The following ZNF362 variants were observed in gnomAD, a reference collection of about 807,000 sequenced individuals.
ZNF362 encodes rotund homolog.
ZNF362 carries 11 observed loss-of-function variants against 42.9 expected under a neutral mutation model. The ratio of observed to expected loss-of-function variants is 0.26; its 90% CI spans 0.16 to 0.42. ZNF362 has a LOEUF of 0.42. ZNF362 is among the 20% of genes least tolerant of loss of function. The pLI, the probability that ZNF362 is intolerant of heterozygous loss-of-function variation, is 1.00. For synonymous variants in ZNF362, 255 were observed against 257.3 expected (o/e 0.99, Z 0.09); for missense variants, 362 against 576.2 (o/e 0.63, Z 3.81).
chr1:33,164,172 C>T, the ZNF362 span: 3 of 152,204 alleles, frequency 2.0e-5, no homozygotes, highest in African/African-American at 7.2e-5. Flanking sequence ...CCCCGAGGGT[C>T]CTGCCCAGAG....
At chr1:33,165,572 A>G in the ZNF362 span, 1 of 1,603,424 alleles carries the variant, frequency 6.2e-7, no homozygotes, top group Non-Finnish European at 8.5e-7. The surrounding 1 kb of genome is among the most constrained non-coding windows in gnomAD (Gnocchi z 4.0). Context: ...TCCCTCTGAA[A>G]CACACACAGG....
the ZNF362 span, among the ~76,000 whole-genome samples, chr1:33,182,756 T>C: frequency 7.3e-5 from 11 of 151,592 alleles, no homozygotes; most frequent in South Asian, 1.5e-3. Context: ...TGCAAAAGCA[T>C]AGAGGCGTGA....
intron 6 of ZNF362, among the ~76,000 whole-genome samples, chr1:33,290,362 C>T (rs933528662): frequency 4.0e-5 from 6 of 151,670 alleles, no homozygotes; most frequent in African/African-American, 1.5e-4. Flanking sequence ...TGGTTTCCAG[C>T]TTCATCCATG....
rs1404515168 is a variant in ZNF362 at position 33,300,420 on chromosome 1, A to G, written c.*1374A>G. The G allele has an allele frequency of 1.3e-5, 2 of 149,146 alleles. No homozygotes were observed. The highest frequency in any genetic ancestry group is 2.5e-5 in the African/African-American group (1 of 40,174). The allele number at this position is 149,146 out of a possible 1,614,324, so 9.2% of individuals were successfully genotyped here. A position where few individuals can be genotyped will look rare whatever the true frequency, so the allele number is the denominator to read the frequency against. On this transcript the variant is annotated 3_prime_UTR_variant, in exon 9 of 9. Coordinates refer to ENST00000539719, the MANE Select transcript of ZNF362 (RefSeq NM_152493.3). Reference sequence around the variant, plus strand: ...ATACGCTGTTATACATACTGTTAACACCCCTTTGCTTTTTCTATGGGACCT... The same window carrying G: ...ATACGCTGTTATACATACTGTTAACGCCCCTTTGCTTTTTCTATGGGACCT...
At chr1:33,229,713 C>T in the ZNF362 span, among the ~76,000 whole-genome samples, 2 of 151,930 alleles carry the variant, frequency 1.3e-5, no homozygotes, top group African/African-American at 4.8e-5. Flanking sequence ...CCCTATTCTG[C>T]CTTCTTAAAA....
At chr1:33,271,258 C>T (rs1376923815) in intron 2 of ZNF362, among the ~76,000 whole-genome samples, 1 of 152,238 alleles carries the variant, frequency 6.6e-6, no homozygotes, top group African/African-American at 2.4e-5. Context: ...ACACCGAACG[C>T]TCGTGGCTCC....
chr1:33,133,846 C>T, the ZNF362 span, among the ~76,000 whole-genome samples: 1 of 152,226 alleles, frequency 6.6e-6, no homozygotes, highest in Admixed American at 6.5e-5. Flanking sequence ...GCCAATTGTT[C>T]TTCCCCTAGT....
At chr1:33,207,174 C>A in the ZNF362 span, among the ~76,000 whole-genome samples, 1 of 149,568 alleles carries the variant, frequency 6.7e-6, no homozygotes, top group East Asian at 2.0e-4. Context: ...TTGTTTAACT[C>A]CCACTTATGA....
At chr1:33,154,179 G>A in the ZNF362 span, among the ~76,000 whole-genome samples, 1 of 152,220 alleles carries the variant, frequency 6.6e-6, no homozygotes, top group Admixed American at 6.5e-5. Context: ...TCTAAAGATG[G>A]GCCGGGTGTG....
At chr1:33,298,888 T>G (rs1646144141) in intron 8 of ZNF362, 42 bp from the exon 9 acceptor site, 1 of 1,562,544 alleles carries the variant, frequency 6.4e-7, no homozygotes, top group African/African-American at 1.4e-5. Flanking sequence ...TCTCCCTCCC[T>G]TGCTGGTGGT....
chr1:33,257,302 A>G (rs1645799849), intron 1 of ZNF362, among the ~76,000 whole-genome samples: 4 of 151,396 alleles, frequency 2.6e-5, no homozygotes, highest in Admixed American at 2.6e-4. Flanking sequence ...GTGAGACACA[A>G]TGCAATTGCA....
chr1:33,241,259 C>T, the ZNF362 span, among the ~76,000 whole-genome samples: 1 of 152,078 alleles, frequency 6.6e-6, no homozygotes, highest in Non-Finnish European at 1.5e-5. Flanking sequence ...CTTTGGGAGG[C>T]TGAGGTGAGT....
the ZNF362 span, among the ~76,000 whole-genome samples, chr1:33,175,333 C>T: frequency 5.3e-5 from 8 of 152,104 alleles, no homozygotes; most frequent in South Asian, 2.1e-4. Context: ...TGGGCCACTG[C>T]GCCCAGCCCA....
chr1:33,204,138 T>G, the ZNF362 span, among the ~76,000 whole-genome samples: 6 of 152,172 alleles, frequency 3.9e-5, no homozygotes, highest in Non-Finnish European at 8.8e-5. Flanking sequence ...CCATTTTGAG[T>G]TGATTTTTTT....
rs1645993825 is a variant in ZNF362, at chr1:33,281,482, A to C, written c.684-105A>C. 1.8e-6 allele frequency: 2 copies of C among 1,102,658 alleles called. No individual in the cohort carries two copies. The highest frequency in any genetic ancestry group is 2.7e-6 in the Non-Finnish European group (2 of 747,154). 68.3% of individuals were successfully genotyped at this position (1,102,658 alleles called of 1,614,324 possible). A position where few individuals can be genotyped will look rare whatever the true frequency, so the allele number is the denominator to read the frequency against. On this transcript the variant is annotated intron_variant, in intron 5 of 8. Coordinates refer to ENST00000539719, the MANE Select transcript of ZNF362 (RefSeq NM_152493.3). The surrounding 1 kb of genome is among the most constrained non-coding windows in gnomAD (Gnocchi z 4.8). Reference sequence around the variant, plus strand: ...GTCCTGTGCTTCTTGGGCTCATCACAGGAAAGACCTGTCCCAGGTGCAAGG... The same window carrying C: ...GTCCTGTGCTTCTTGGGCTCATCACCGGAAAGACCTGTCCCAGGTGCAAGG...
chr1:33,293,721 A>C (rs1395085169), intron 6 of ZNF362, among the ~76,000 whole-genome samples: 1 of 152,208 alleles, frequency 6.6e-6, no homozygotes, highest in Non-Finnish European at 1.5e-5. Context: ...CAGATGCTTG[A>C]AGACACGCCC....
chr1:33,232,433 T>C, the ZNF362 span, among the ~76,000 whole-genome samples: 5 of 152,126 alleles, frequency 3.3e-5, no homozygotes, highest in African/African-American at 1.2e-4. Flanking sequence ...TAATTTTTTT[T>C]TGTATTTTTT....
chr1:33,200,913 G>C, the ZNF362 span, among the ~76,000 whole-genome samples: 2 of 152,192 alleles, frequency 1.3e-5, no homozygotes, highest in Non-Finnish European at 2.9e-5. Context: ...TAAGAAGAGA[G>C]AATTTGGACA....
upstream of ZNF362, among the ~76,000 whole-genome samples, chr1:33,251,918 T>C (rs1219831575): frequency 1.3e-5 from 2 of 152,238 alleles, no homozygotes; most frequent in Non-Finnish European, 2.9e-5. Flanking sequence ...CAGTCTATTC[T>C]CTTTCCAGAG....
Sources: gnomAD v4.1 joint callset for allele counts (sites outside exome capture counted in the v4.1 genomes callset) on GRCh38, gnomAD v4.1.1 for gene constraint, Gnocchi (gnomAD v3.1) non-coding constraint, MANE v1.5 for transcripts, NCBI Gene and HGNC (gene_info 2026-07-23, HGNC 2026-07-21) for gene names.